AQP4: variants seen among roughly 807,000 people sequenced by gnomAD.
AQP4 encodes the protein aquaporin 4.
A neutral mutation model predicts 27.8 loss-of-function variants in AQP4; 18 were observed. That is an observed-to-expected ratio of 0.65 (90% CI 0.45 to 0.96). The LOEUF (loss-of-function observed/expected upper bound fraction) is 0.96, where lower values mean the gene tolerates loss of function less well. Among genes scored for constraint, AQP4 ranks in the 40% least tolerant of loss-of-function variants. The probability of loss-of-function intolerance (pLI) is 0.00; values close to 1 mark genes in which losing one functional copy is unlikely to be tolerated. For synonymous variants in AQP4, 141 were observed against 142.9 expected (o/e 0.99, Z 0.10); for missense variants, 412 against 408.2 (o/e 1.01, Z -0.08).
Position 26,862,248 on chromosome 18 carries a change from G to T in AQP4, c.381C>A (p.Ile127=), listed in dbSNP as rs144702688. 1 of 1,614,036 alleles carries T rather than the reference G, an allele frequency of 6.2e-7. No individual in the cohort carries two copies. Among genetic ancestry groups the T allele is most frequent in the Non-Finnish European group, 8.5e-7 (1 of 1,180,054 alleles). The change falls in exon 2 of 5, where the codon ATC becomes ATA. Residue 127 remains isoleucine (I), a synonymous_variant. Transcript: ENST00000383168. ...CCAGATAGAGGATTCCTGCTCCAAT[G>T]ATGGCCCCCAGGCACTGGGCTGCGA... ...FYIAAQCLGA[I]IGAGILYLVT...
chr18:26,862,423 T>C lies in AQP4; in HGVS notation c.206A>G (p.Asp69Gly), dbSNP rs746127378. 2 of 1,614,096 alleles carry C rather than the reference T, an allele frequency of 1.2e-6. No homozygotes were observed. Among genetic ancestry groups the C allele is most frequent in the African/African-American group, 2.7e-5 (2 of 74,942 alleles). Reference protein sequence around the residue: ...WGGTEKPLPVDMVLISLCFGL... With the variant: ...WGGTEKPLPVGMVLISLCFGL... ...AAAGCAAAGGGAGATGAGAACCATG[T>C]CGACCGGTAAAGGCTTTTCTGTTCC... Residue 69 changes from aspartate (D) to glycine (G), a missense_variant, in exon 2 of 5, where the codon GAC becomes GGC. By Grantham distance (94) the Asp-to-Gly change is moderately conservative. Transcript: ENST00000383168.
chr18:26,852,101 C>T lies in AQP4; in HGVS notation c.*4110G>A, dbSNP rs964554660. On this transcript the variant is annotated 3_prime_UTR_variant, in exon 5 of 5. Coordinates refer to ENST00000383168, the MANE Select transcript of AQP4 (RefSeq NM_001650.7). The stretch of plus-strand genomic sequence containing the variant: ...ACAAGCTTAGTAGTACAAGATGCAA[C>T]ATAATTCAAGAAAATCAACCACAGT... 2.0e-5 allele frequency: 3 copies of T among 152,178 alleles called. No homozygotes were observed. The highest frequency in any genetic ancestry group is 7.2e-5 in the African/African-American group (3 of 41,456). The allele number at this position is 152,178 out of a possible 1,614,324, so 9.4% of individuals were successfully genotyped here. A position where few individuals can be genotyped will look rare whatever the true frequency, so the allele number is the denominator to read the frequency against.
At position 26,862,603 on chromosome 18, in the gene AQP4, A is replaced by G. The variant is rs1027219060; in HGVS notation, c.33-7T>C. 3.7e-6 allele frequency: 6 copies of G among 1,613,896 alleles called. No individual in the cohort carries two copies. The highest frequency in any genetic ancestry group is 5.1e-6 in the Non-Finnish European group (6 of 1,180,032). ...ACACAAAGGTCCACACTTACTGAAA[A>G]GAGAAACAAATCAGCATCAGAAGCC... On this transcript the variant is annotated splice_region_variant and splice_polypyrimidine_tract_variant and intron_variant, in intron 1 of 4. Transcript: ENST00000383168.
chr18:26,862,996 TGG>T (rs745810573), intron 1 of AQP4: 2,275 of 92,952 alleles, frequency 0.024, 175 homozygotes, highest in African/African-American at 0.082. Context: ...AAGGTGTGCG[TGG>T]GGGGGGGGGG....
chr18:26,863,303 A>G (rs2054992622), intron 1 of AQP4: 1 of 153,072 alleles, frequency 6.5e-6, no homozygotes, highest in Admixed American at 6.5e-5. Flanking sequence ...GGACACGCGC[A>G]CCGCCCAGAT....
intron 1 of AQP4, 154 bp downstream of exon 1, chr18:26,865,504 G>A (rs2055043404): frequency 1.1e-5 from 10 of 914,946 alleles, no homozygotes; most frequent in Non-Finnish European, 9.1e-6. Flanking sequence ...CCTCTCTTCT[G>A]AAAATGCCCA....
chr18:26,862,188 G>A lies in AQP4; in HGVS notation c.441C>T (p.Val147=), dbSNP rs2092421708. The A allele has an allele frequency of 6.2e-7, 1 of 1,614,088 alleles. No homozygotes were observed. The highest frequency in any genetic ancestry group is 8.5e-7 in the Non-Finnish European group (1 of 1,180,030). Residue 147 remains valine, a synonymous_variant, in exon 2 of 5, where the codon GTC becomes GTT. Coordinates refer to ENST00000383168, the MANE Select transcript of AQP4 (RefSeq NM_001650.7). ...AAATAGCTAAAGATGCTACCATGGT[G>A]ACTCCCAGGCCTCCCACCACACTGG... ...TPPSVVGGLG[V]TMVHGNLTAG...
In AQP4 at chr18:26,860,822, C is replaced by G; in HGVS notation, c.643G>C (p.Ala215Pro). Residue 215 changes from alanine to proline, a missense_variant, in exon 4 of 5, where the codon GCC becomes CCC. By Grantham distance (27) the Ala-to-Pro change is conservative (BLOSUM62 -1). Coordinates refer to ENST00000383168, the MANE Select transcript of AQP4 (RefSeq NM_001650.7). ...INYTGASMNPARSFGPAVIMG... is the reference protein window; with the variant it reads ...INYTGASMNPPRSFGPAVIMG... Reference sequence around the variant, plus strand: ...ATAACTGCAGGTCCAAAGGATCGGGCGGGATTCATGCTGGCACCAGTATAA... The same window carrying G: ...ATAACTGCAGGTCCAAAGGATCGGGGGGGATTCATGCTGGCACCAGTATAA... 1 of 1,613,960 alleles carries G rather than the reference C, an allele frequency of 6.2e-7. No individual in the cohort carries two copies. The highest frequency in any genetic ancestry group is 8.5e-7 in the Non-Finnish European group (1 of 1,179,936).
At chr18:26,860,001 C>G (rs553839128) in intron 4 of AQP4, among the ~76,000 whole-genome samples, 1 of 152,266 alleles carries the variant, frequency 6.6e-6, no homozygotes, top group South Asian at 2.1e-4. Flanking sequence ...TGCTGCATTA[C>G]TTATTTAATT....
chr18:26,864,082 G>T (rs1330849872), intron 1 of AQP4, among the ~76,000 whole-genome samples: 1 of 152,106 alleles, frequency 6.6e-6, no homozygotes, highest in Non-Finnish European at 1.5e-5. Flanking sequence ...GAGCCAAGAA[G>T]TATGGAGAGT....
intron 1 of AQP4, among the ~76,000 whole-genome samples, chr18:26,863,591 G>T (rs573700853): frequency 6.6e-6 from 1 of 152,146 alleles, no homozygotes; most frequent in Non-Finnish European, 1.5e-5. Flanking sequence ...GACCCTGACC[G>T]TACAATGCAG....
rs60422011 is a variant in AQP4 at position 26,858,690 on chromosome 18, G to A, written c.693+2082C>T. On this transcript the variant is annotated intron_variant, in intron 4 of 4. Transcript: ENST00000383168. ...TTCCACAGGCTACAAATCCCACAAG[G>A]GAGACTAGAACAGCAAAATAATTAC... 7.8e-4 allele frequency among the ~76,000 whole-genome samples: 118 copies of A among 152,196 alleles called. 1 individual carries two copies. The highest frequency in any genetic ancestry group is 2.8e-3 in the African/African-American group (115 of 41,500).
intron 4 of AQP4, 38 bp downstream of exon 4, chr18:26,860,734 A>G (rs773941424): frequency 6.4e-7 from 1 of 1,560,496 alleles, no homozygotes; most frequent in East Asian, 2.2e-5. Flanking sequence ...AATTGTCCTC[A>G]ACTGTAGGAA....
intron 2 of AQP4, among the ~76,000 whole-genome samples, chr18:26,861,637 A>T (rs2054946035): frequency 6.6e-6 from 1 of 152,180 alleles, no homozygotes; most frequent in Non-Finnish European, 1.5e-5. Flanking sequence ...CAATGATTAA[A>T]TCCATTAATT....
At chr18:26,857,526 C>T (rs1370479177) in intron 4 of AQP4, among the ~76,000 whole-genome samples, 3 of 152,056 alleles carry the variant, frequency 2.0e-5, no homozygotes, top group African/African-American at 7.2e-5. Flanking sequence ...TGGGGTTTCA[C>T]TGTGTTAGCC....
Position 26,862,170 on chromosome 18 carries a change from T to C in AQP4, c.447+12A>G, listed in dbSNP as rs745539717. 1 of 1,614,016 alleles carries C rather than the reference T, an allele frequency of 6.2e-7. No homozygotes were observed. The highest frequency in any genetic ancestry group is 1.1e-5 in the South Asian group (1 of 91,078). On this transcript the variant is annotated intron_variant, in intron 2 of 4. Coordinates refer to ENST00000383168, the MANE Select transcript of AQP4 (RefSeq NM_001650.7). ...CTTGGAGTCCTAGTTTGAAAATAGC[T>C]AAAGATGCTACCATGGTGACTCCCA...
chr18:26,853,100 A>G lies in AQP4; in HGVS notation c.*3111T>C, dbSNP rs1241347090. On this transcript the variant is annotated 3_prime_UTR_variant, in exon 5 of 5. Transcript: ENST00000383168. The stretch of plus-strand genomic sequence containing the variant: ...GATCTCTGATAAATCATATAGCTCA[A>G]TTTCATCACATATGTTTTCCAAAGA... 5.1e-6 allele frequency: 2 copies of G among 390,284 alleles called. No homozygotes were observed. Among genetic ancestry groups the G allele is most frequent in the African/African-American group, 2.1e-5 (1 of 48,472 alleles). 24.2% of individuals were successfully genotyped at this position (390,284 alleles called of 1,614,324 possible).
intron 2 of AQP4, 93 bp from the exon 3 acceptor site, chr18:26,861,388 G>A (rs1015651750): frequency 3.8e-6 from 5 of 1,313,634 alleles, no homozygotes; most frequent in African/African-American, 2.9e-5. Flanking sequence ...TTTTATCTGT[G>A]TAAAAAGTAA....
chr18:26,861,702 T>C (rs1257486292), intron 2 of AQP4, among the ~76,000 whole-genome samples: 1 of 152,224 alleles, frequency 6.6e-6, no homozygotes, highest in Non-Finnish European at 1.5e-5. Flanking sequence ...TGTGTGTTTT[T>C]TTTTAATCAG....
Sources: allele counts gnomAD v4.1 joint callset (sites outside exome capture counted in the v4.1 genomes callset), GRCh38; gene constraint gnomAD v4.1.1; transcripts MANE v1.5; gene names NCBI Gene and HGNC (gene_info 2026-07-23, HGNC 2026-07-21).